SLC12A7: variants seen among roughly 807,000 people sequenced by gnomAD.
The protein encoded by SLC12A7 is K-Cl cotransporter 4.
SLC12A7 carries 100 observed loss-of-function variants against 120.6 expected under a neutral mutation model. The ratio of observed to expected loss-of-function variants is 0.83; its 90% CI spans 0.71 to 0.98. SLC12A7 has a LOEUF of 0.98. Ranked by LOEUF, SLC12A7 falls within the 50% of genes least tolerant of loss-of-function variation. The pLI is 0.00. For synonymous variants in SLC12A7, 760 were observed against 678.0 expected, an observed-to-expected ratio of 1.12 and a Z score of -1.88; for missense variants, 1,373 against 1,548.1, an observed-to-expected ratio of 0.89 and a Z score of 1.90.
In SLC12A7 at chr5:1,084,954, C is replaced by T. The variant is rs115325689; in HGVS notation, c.917+278G>A. Among the ~76,000 whole-genome samples, 1,387 of 152,348 alleles carry T rather than the reference C, an allele frequency of 9.1e-3. 6 individuals carry two copies. Among genetic ancestry groups the T allele is most frequent in the Non-Finnish European group, 0.015 (1,018 of 68,034 alleles). On this transcript the variant is annotated intron_variant, in intron 7 of 23. Coordinates refer to ENST00000264930, the MANE Select transcript of SLC12A7 (RefSeq NM_006598.3). ...TGCACCTGACCGTGCTCAGGGCCAC[C>T]GGCCACCCCTGAAACCTGCCAGACC...
At chr5:1,073,286 C>T (rs11133612) in intron 17 of SLC12A7, among the ~76,000 whole-genome samples, 35,416 of 126,812 alleles carry the variant, frequency 0.28, 4,592 homozygotes, top group Non-Finnish European at 0.41. Flanking sequence ...AGCACACGGG[C>T]ATCACACTTA....
the SLC12A7 span, among the ~76,000 whole-genome samples, chr5:1,146,607 C>T: frequency 6.6e-6 from 1 of 152,192 alleles, no homozygotes; most frequent in African/African-American, 2.4e-5. This position sits in a 1 kb window ranked among gnomAD's most constrained non-coding sequence, Gnocchi z 6.5. Flanking sequence ...TGCCGCCCTC[C>T]TCCCTTTCGG....
intron 14 of SLC12A7, 23 bp from the exon 15 acceptor site, chr5:1,075,513 G>T: frequency 2.5e-6 from 4 of 1,602,628 alleles, no homozygotes; most frequent in Non-Finnish European, 3.4e-6. Flanking sequence ...CAAGTGGCTC[G>T]GGGCGGCCCA....
chr5:1,146,530 A>T, the SLC12A7 span, among the ~76,000 whole-genome samples: 1 of 152,188 alleles, frequency 6.6e-6, no homozygotes, highest in Non-Finnish European at 1.5e-5. This position sits in a 1 kb window ranked among gnomAD's most constrained non-coding sequence, Gnocchi z 6.5. Flanking sequence ...CTGGGCCAGG[A>T]CACCCCAACG....
At chr5:1,144,562 G>T in the SLC12A7 span, among the ~76,000 whole-genome samples, 5 of 152,198 alleles carry the variant, frequency 3.3e-5, no homozygotes, top group Non-Finnish European at 7.3e-5. Context: ...GTGAGGTCAC[G>T]CTGGGTCATG....
At chr5:1,081,059 CAGAGAGAGAGAGAGAGACAGACAG>C (rs1380479363) in intron 9 of SLC12A7, among the ~76,000 whole-genome samples, 5 of 44,426 alleles carry the variant, frequency 1.1e-4, no homozygotes, top group Non-Finnish European at 5.1e-4. Context: ...AAGAGGGAGA[CAGAGAGAGAGAGAGAGACAGACAG>C]AGAGAGAGGG....
At chr5:1,060,712 G>A (rs1368338081) in intron 20 of SLC12A7, among the ~76,000 whole-genome samples, 1 of 152,202 alleles carries the variant, frequency 6.6e-6, no homozygotes, top group Non-Finnish European at 1.5e-5. Context: ...GGGCAGCTGT[G>A]AGGGCAAGGC....
At position 1,098,962 on chromosome 5, in the gene SLC12A7, C is replaced by T. The variant is rs1226025622; in HGVS notation, c.125-4714G>A. 4.3e-4 allele frequency among the ~76,000 whole-genome samples: 65 copies of T among 151,996 alleles called. 1 individual carries two copies. The highest frequency in any genetic ancestry group is 4.3e-3 in the Admixed American group (65 of 15,274). ...TAGCACCTCCTCCCTTGTCATTCTG[C>T]ACATTCATGATGACCGGAAGGCTGA... On this transcript the variant is annotated intron_variant, in intron 1 of 23. Coordinates refer to ENST00000264930, the MANE Select transcript of SLC12A7 (RefSeq NM_006598.3).
the SLC12A7 span, among the ~76,000 whole-genome samples, chr5:1,140,243 C>T: frequency 6.6e-6 from 1 of 152,230 alleles, no homozygotes; most frequent in African/African-American, 2.4e-5. Flanking sequence ...GGAACCCAGG[C>T]AGATCCCCCT....
At chr5:1,097,579 G>A (rs960470052) in intron 1 of SLC12A7, among the ~76,000 whole-genome samples, 11 of 152,284 alleles carry the variant, frequency 7.2e-5, no homozygotes, top group East Asian at 1.9e-4. Context: ...GTGCGCCAGC[G>A]GCCTCACGAC....
chr5:1,116,719 C>T (rs894448554), upstream of SLC12A7, among the ~76,000 whole-genome samples: 3 of 152,204 alleles, frequency 2.0e-5, no homozygotes, highest in Admixed American at 6.5e-5. Flanking sequence ...GAATCTCACA[C>T]GGACGCCCGT....
upstream of SLC12A7, among the ~76,000 whole-genome samples, chr5:1,114,072 G>A (rs563064709): frequency 1.3e-5 from 2 of 152,362 alleles, no homozygotes; most frequent in East Asian, 3.9e-4. Flanking sequence ...TCTGTGGCCA[G>A]GGCCAGCTCC....
At chr5:1,085,652 G>A (rs561015678) in intron 6 of SLC12A7, among the ~76,000 whole-genome samples, 179 bp from the exon 7 acceptor site, 8 of 136,952 alleles carry the variant, frequency 5.8e-5, no homozygotes, top group South Asian at 2.4e-4. Context: ...GACGGAGCCC[G>A]CGGGGGTCAG....
the SLC12A7 span, among the ~76,000 whole-genome samples, chr5:1,128,345 T>C: frequency 6.6e-6 from 1 of 152,202 alleles, no homozygotes; most frequent in Non-Finnish European, 1.5e-5. Context: ...CAGTGGAAAC[T>C]GGTGGCCTCG....
intron 17 of SLC12A7, among the ~76,000 whole-genome samples, chr5:1,065,862 A>G (rs1249550475): frequency 6.6e-6 from 1 of 151,794 alleles, no homozygotes; most frequent in Non-Finnish European, 1.5e-5. Context: ...AAATGGGCCA[A>G]ATTAGCAGCT....
chr5:1,064,418 C>T (rs900875488), intron 18 of SLC12A7, among the ~76,000 whole-genome samples, 166 bp from the exon 19 acceptor site: 4 of 152,242 alleles, frequency 2.6e-5, no homozygotes, highest in Non-Finnish European at 5.9e-5. Flanking sequence ...GCCAGAGACT[C>T]ACAGCAGAGT....
intron 16 of SLC12A7, 116 bp from the exon 17 acceptor site, chr5:1,073,917 A>G (rs754656762): frequency 4.4e-5 from 46 of 1,041,224 alleles, no homozygotes; most frequent in Non-Finnish European, 5.4e-5. Context: ...CGGGAGATAC[A>G]TGACAGGCGG....
At chr5:1,092,357 C>T (rs1041306713) in intron 3 of SLC12A7, among the ~76,000 whole-genome samples, 5 of 152,160 alleles carry the variant, frequency 3.3e-5, no homozygotes, top group Admixed American at 6.5e-5. Context: ...GGCAAGGAGC[C>T]GGCCGACGGA....
At chr5:1,132,174 C>T in the SLC12A7 span, among the ~76,000 whole-genome samples, 41 of 152,302 alleles carry the variant, frequency 2.7e-4, no homozygotes, top group Admixed American at 9.8e-4. Flanking sequence ...GCTCATTACA[C>T]GCTAATTCGA....
Sources: allele counts gnomAD v4.1 joint callset (sites outside exome capture counted in the v4.1 genomes callset), GRCh38; gene constraint gnomAD v4.1.1; non-coding constraint Gnocchi (gnomAD v3.1); transcripts MANE v1.5; gene names NCBI Gene and HGNC (gene_info 2026-07-23, HGNC 2026-07-21).